The following KIAA0825 variants were observed in gnomAD, a reference collection of about 807,000 sequenced individuals.
KIAA0825 encodes the protein uncharacterized protein KIAA0825.
KIAA0825 carries 119 observed loss-of-function variants against 147.6 expected under a neutral mutation model. The ratio of observed to expected loss-of-function variants is 0.81; its 90% confidence interval spans 0.69 to 0.94. The LOEUF (loss-of-function observed/expected upper bound fraction) is 0.94. KIAA0825 is among the 40% of genes least tolerant of loss of function. The pLI is 0.00. For synonymous variants in KIAA0825, 470 were observed against 518.1 expected, an observed-to-expected ratio of 0.91 and a Z score of 1.26; for missense variants, 1,381 against 1,472.7, an observed-to-expected ratio of 0.94 and a Z score of 1.02.
At chr5:94,494,379 C>A (rs1054383326) in intron 5 of KIAA0825, among the ~76,000 whole-genome samples, 1 of 139,380 alleles carries the variant, frequency 7.2e-6, no homozygotes, top group Non-Finnish European at 1.5e-5. Context: ...ACTGATGTGG[C>A]CAGTTTAGGC....
chr5:94,617,552 C>G (rs1378105986), intron 1 of KIAA0825, among the ~76,000 whole-genome samples: 5 of 152,064 alleles, frequency 3.3e-5, no homozygotes, highest in South Asian at 4.1e-4. Flanking sequence ...GCAATAGTAC[C>G]TACAACTCTT....
chr5:94,523,188 G>A (rs998236981), intron 4 of KIAA0825, among the ~76,000 whole-genome samples: 2 of 151,620 alleles, frequency 1.3e-5, no homozygotes, highest in Non-Finnish European at 3.0e-5. Context: ...CTTAGTCAAT[G>A]TTTGATGTTT....
chr5:94,504,966 T>A (rs6870077), intron 5 of KIAA0825, among the ~76,000 whole-genome samples: 1,924 of 152,036 alleles, frequency 0.013, 35 homozygotes, highest in African/African-American at 0.043. Context: ...CAGGATGGTC[T>A]CGAACTCCTG....
At chr5:94,576,511 T>C (rs1781078207) in intron 2 of KIAA0825, among the ~76,000 whole-genome samples, 1 of 152,194 alleles carries the variant, frequency 6.6e-6, no homozygotes, top group African/African-American at 2.4e-5. Context: ...CGTCACCATG[T>C]GATACCCTGT....
At chr5:94,530,130 G>T (rs1047918433) in intron 3 of KIAA0825, among the ~76,000 whole-genome samples, 1 of 151,944 alleles carries the variant, frequency 6.6e-6, no homozygotes, top group African/African-American at 2.4e-5. Flanking sequence ...AATTAGCCAG[G>T]TGTGCTGGCA....
At chr5:94,201,718 A>C (rs887543778) in intron 20 of KIAA0825, among the ~76,000 whole-genome samples, 1 of 152,058 alleles carries the variant, frequency 6.6e-6, no homozygotes, top group Non-Finnish European at 1.5e-5. Flanking sequence ...CCCACCATGA[A>C]ACTTATTAAA....
chr5:94,393,669 A>G (rs995202748), intron 17 of KIAA0825, among the ~76,000 whole-genome samples: 2 of 152,170 alleles, frequency 1.3e-5, no homozygotes, highest in Non-Finnish European at 2.9e-5. Context: ...ATATTTTTTT[A>G]AATTATGGTA....
In KIAA0825 at chr5:94,396,101, C is replaced by T; in HGVS notation, c.3296G>A (p.Cys1099Tyr). ...LLKARKLSTECAFMTIEKSTA... is the reference protein window; with the variant it reads ...LLKARKLSTEYAFMTIEKSTA... ...CAATAAGAGAAAAACATCACTTTAC[C>T]ATTCAGTGCTCAGTTTCCTTGCTTT... The change falls in exon 17 of 21, where the codon TGT becomes TAT. Residue 1099 changes from cysteine to tyrosine, a missense_variant and splice_region_variant. Transcript: ENST00000682413. The T allele has an allele frequency of 6.9e-7, 1 of 1,449,630 alleles. No homozygotes were observed. The highest frequency in any genetic ancestry group is 1.5e-5 in the South Asian group (1 of 65,960). The allele number at this position is 1,449,630 out of a possible 1,614,324, so 89.8% of individuals were successfully genotyped here.
intron 20 of KIAA0825, among the ~76,000 whole-genome samples, chr5:94,353,483 T>C (rs1459084216): frequency 2.0e-5 from 3 of 152,200 alleles, no homozygotes; most frequent in African/African-American, 4.8e-5. Flanking sequence ...GTTTTTATTA[T>C]GACAATTAAA....
At chr5:94,360,396 T>TA (rs1479029449) in intron 20 of KIAA0825, among the ~76,000 whole-genome samples, 1 of 152,106 alleles carries the variant, frequency 6.6e-6, no homozygotes, top group African/African-American at 2.4e-5. Flanking sequence ...AGGGTCTGAG[T>TA]AAAATAAGGC....
At chr5:94,576,630 C>T (rs1199276737) in intron 2 of KIAA0825, among the ~76,000 whole-genome samples, 1 of 152,140 alleles carries the variant, frequency 6.6e-6, no homozygotes, top group Non-Finnish European at 1.5e-5. Flanking sequence ...GAAATACATT[C>T]CTTTTCTTTA....
intron 10 of KIAA0825, among the ~76,000 whole-genome samples, chr5:94,468,088 TAA>T (rs758627889): frequency 3.6e-4 from 55 of 152,318 alleles, no homozygotes; most frequent in Non-Finnish European, 6.3e-4. Context: ...AATCACAGGG[TAA>T]CTATCTGGTT....
intron 12 of KIAA0825, among the ~76,000 whole-genome samples, chr5:94,458,675 T>C (rs1759433913): frequency 6.6e-6 from 1 of 152,146 alleles, no homozygotes; most frequent in Admixed American, 6.6e-5. Flanking sequence ...AAGGGAGTCA[T>C]TGAACCTAAA....
chr5:94,192,838 C>T (rs1026270242), intron 20 of KIAA0825, among the ~76,000 whole-genome samples: 1 of 152,144 alleles, frequency 6.6e-6, no homozygotes, highest in African/African-American at 2.4e-5. Flanking sequence ...GCCACAGAAA[C>T]CTTACCCTTT....
At chr5:94,386,472 C>T (rs1415283315) in intron 18 of KIAA0825, 68 bp from the exon 19 acceptor site, 13 of 1,291,076 alleles carry the variant, frequency 1.0e-5, no homozygotes, top group Non-Finnish European at 1.4e-5. Context: ...ATAAACTGAT[C>T]AATATCCAAA....
chr5:94,575,201 T>C (rs1780773134), intron 2 of KIAA0825, among the ~76,000 whole-genome samples: 1 of 152,180 alleles, frequency 6.6e-6, no homozygotes, highest in Non-Finnish European at 1.5e-5. Flanking sequence ...AATGTTTTTT[T>C]ACTAAGGCAG....
intron 1 of KIAA0825, among the ~76,000 whole-genome samples, chr5:94,595,786 A>G (rs1785203463): frequency 6.6e-6 from 1 of 152,202 alleles, no homozygotes; most frequent in African/African-American, 2.4e-5. Flanking sequence ...TTTTAAGGGC[A>G]TCCAGGTCAC....
At chr5:94,242,352 G>A (rs1047980466) in intron 20 of KIAA0825, among the ~76,000 whole-genome samples, 4 of 151,646 alleles carry the variant, frequency 2.6e-5, no homozygotes, top group South Asian at 4.2e-4. Context: ...TTCATTCCCC[G>A]CTGATTCATT....
At position 94,550,413 on chromosome 5, in the gene KIAA0825, C is replaced by T. The variant is rs73773683; in HGVS notation, c.-1-13286G>A. 7.2e-4 allele frequency among the ~76,000 whole-genome samples: 109 copies of T among 152,214 alleles called. 1 individual carries two copies. Among genetic ancestry groups the T allele is most frequent in the African/African-American group, 2.5e-3 (103 of 41,512 alleles). Reference sequence around the variant, plus strand: ...TCAAAGCACCCCACCCAACTGACACCGCAAGACCCATCTATAGGAATAAAT... The same window carrying T: ...TCAAAGCACCCCACCCAACTGACACTGCAAGACCCATCTATAGGAATAAAT... On this transcript the variant is annotated intron_variant, in intron 2 of 20. Coordinates refer to ENST00000682413, the MANE Select transcript of KIAA0825 (RefSeq NM_001145678.3).
Sources: allele counts gnomAD v4.1 joint callset (sites outside exome capture counted in the v4.1 genomes callset), GRCh38; gene constraint gnomAD v4.1.1; transcripts MANE v1.5; gene names NCBI Gene and HGNC (gene_info 2026-07-23, HGNC 2026-07-21).